Variants in SGTB observed in about 807,000 individuals in gnomAD.
The protein encoded by SGTB is small glutamine rich tetratricopeptide repeat co-chaperone beta.
SGTB carries 19 observed loss-of-function variants against 43.9 expected under a neutral mutation model. That is an observed-to-expected ratio of 0.43 (90% CI 0.30 to 0.63). The LOEUF is 0.63. Among genes scored for constraint, SGTB ranks in the 30% least tolerant of loss-of-function variants. The probability of loss-of-function intolerance (pLI) is 0.12; values close to 1 mark genes in which losing one functional copy is unlikely to be tolerated. For missense variants in SGTB, 304 were observed against 358.9 expected, an observed-to-expected ratio of 0.85 and a Z score of 1.24; for synonymous variants, 116 against 117.3, an observed-to-expected ratio of 0.99 and a Z score of 0.07.
intron 5 of SGTB, 96 bp downstream of exon 5, chr5:65,704,183 C>A: frequency 1.1e-6 from 1 of 942,716 alleles, no homozygotes. Flanking sequence ...TCTGAACTTT[C>A]AAAATTTTCT....
intron 5 of SGTB, among the ~76,000 whole-genome samples, chr5:65,694,764 C>T (rs769257913): frequency 1.2e-4 from 18 of 152,068 alleles, no homozygotes; most frequent in Non-Finnish European, 2.5e-4. Context: ...TGAAGGATGA[C>T]TAGTAGTTGA....
intron 3 of SGTB, among the ~76,000 whole-genome samples, chr5:65,709,375 T>C (rs891827703): frequency 6.0e-5 from 9 of 151,092 alleles, no homozygotes; most frequent in Non-Finnish European, 1.3e-4. Flanking sequence ...TCTTTGCATA[T>C]TGTCCAGTTT....
At chr5:65,677,296 G>A (rs1169416347) in intron 8 of SGTB, among the ~76,000 whole-genome samples, 2 of 137,668 alleles carry the variant, frequency 1.5e-5, no homozygotes, top group Non-Finnish European at 3.1e-5. Context: ...TTGAATCCCT[G>A]AATAAACCAA....
intron 2 of SGTB, among the ~76,000 whole-genome samples, chr5:65,714,031 G>A (rs1403228943): frequency 6.6e-6 from 1 of 151,974 alleles, no homozygotes; most frequent in Non-Finnish European, 1.5e-5. Context: ...TCCAGTACGG[G>A]TTGAGACCCC....
intron 1 of SGTB, among the ~76,000 whole-genome samples, chr5:65,721,057 G>A (rs1758264181): frequency 6.6e-6 from 1 of 152,162 alleles, no homozygotes; most frequent in African/African-American, 2.4e-5. Flanking sequence ...ATACGAGTAT[G>A]TTAAATCTTG....
At chr5:65,672,515 G>A (rs1231331625) in intron 8 of SGTB, among the ~76,000 whole-genome samples, 1 of 152,150 alleles carries the variant, frequency 6.6e-6, no homozygotes, top group Non-Finnish European at 1.5e-5. Context: ...ATAAACTGAG[G>A]ATGTTGACAG....
chr5:65,701,630 A>ATTTTT (rs35304663), intron 5 of SGTB, among the ~76,000 whole-genome samples: 2 of 126,490 alleles, frequency 1.6e-5, no homozygotes, highest in Non-Finnish European at 1.7e-5. Flanking sequence ...TTTAAATTAA[A>ATTTTT]TTTTTTTTTT....
At chr5:65,685,962 C>A (rs995473610) in intron 5 of SGTB, among the ~76,000 whole-genome samples, 10 of 152,176 alleles carry the variant, frequency 6.6e-5, no homozygotes, top group Admixed American at 6.5e-5. Context: ...TATTTTATTT[C>A]TTTCAGGCTC....
At chr5:65,707,460 G>C (rs1757956613) in intron 4 of SGTB, among the ~76,000 whole-genome samples, 1 of 147,748 alleles carries the variant, frequency 6.8e-6, no homozygotes. Context: ...TTTTGAGATG[G>C]AGTCTCCCTC....
chr5:65,680,925 C>CT, intron 6 of SGTB, 131 bp from the exon 7 acceptor site: 1 of 1,037,356 alleles, frequency 9.6e-7, no homozygotes. Context: ...ATTCACTGTA[C>CT]TATGGCTCAC....
rs141803717 is a variant in SGTB, at chr5:65,691,452, G to A, written c.375-5980C>T. Reference sequence around the variant, plus strand: ...TTATTATTTTTTTTGAGACAGTCTTGCTCTGTCTCCCAGGCTGGAGTGCAG... The same window carrying A: ...TTATTATTTTTTTTGAGACAGTCTTACTCTGTCTCCCAGGCTGGAGTGCAG... On this transcript the variant is annotated intron_variant, in intron 5 of 10. Coordinates refer to ENST00000381007, the MANE Select transcript of SGTB (RefSeq NM_019072.3). 7.3e-3 allele frequency among the ~76,000 whole-genome samples: 1,102 copies of A among 151,886 alleles called. 8 individuals are homozygous for A. Among genetic ancestry groups the A allele is most frequent in the Non-Finnish European group, 0.01 (711 of 67,916 alleles).
At chr5:65,685,508 T>C (rs748606968) in intron 5 of SGTB, 36 bp from the exon 6 acceptor site, 11 of 1,583,720 alleles carry the variant, frequency 6.9e-6, no homozygotes, top group African/African-American at 1.3e-5. Context: ...TTAAAGGCAG[T>C]TTTCAAGGCA....
At chr5:65,705,689 G>C (rs1466731857) in intron 4 of SGTB, among the ~76,000 whole-genome samples, 2 of 152,036 alleles carry the variant, frequency 1.3e-5, no homozygotes, top group Non-Finnish European at 2.9e-5. Context: ...TGAATATAAA[G>C]GGTGACTGCT....
At chr5:65,679,943 GA>G (rs2150705918) in intron 8 of SGTB, among the ~76,000 whole-genome samples, 1 of 152,316 alleles carries the variant, frequency 6.6e-6, no homozygotes, top group East Asian at 1.9e-4. Context: ...ACTGGATAAA[GA>G]AAATGCGGTA....
rs143130547 is a variant in SGTB, at chr5:65,715,735, C to T, written c.101-2671G>A. On this transcript the variant is annotated intron_variant, in intron 2 of 10. Transcript: ENST00000381007. ...GGGTAAGGAGGATGGAGAGTGTGGG[C>T]AGCTGAGCAGAAAAGCAGCTGCAGG... Among the ~76,000 whole-genome samples, 53 of 152,264 alleles carry T rather than the reference C, an allele frequency of 3.5e-4. No individual in the cohort carries two copies. The Middle Eastern group carries it at 0.01, about 29-fold the overall frequency.
rs1187545032 is a variant in SGTB, at chr5:65,667,945, CTCTT to C, written c.*2297_*2300del. ...GATACAAAATAATTAGTCTCTTAGT[CTCTT>C]TTTCTTTTTTTTTTTTTTTTTGAAA... On this transcript the variant is annotated 3_prime_UTR_variant, in exon 11 of 11. Transcript: ENST00000381007. 1 of 142,674 alleles carries C rather than the reference CTCTT, an allele frequency of 7.0e-6. No individual in the cohort carries two copies. The highest frequency in any genetic ancestry group is 1.6e-5 in the Non-Finnish European group (1 of 64,114). 8.8% of individuals were successfully genotyped at this position (142,674 alleles called of 1,614,324 possible). A position where few individuals can be genotyped will look rare whatever the true frequency, so the allele number is the denominator to read the frequency against.
rs1757070750 is a variant in SGTB at position 65,667,892 on chromosome 5, AAG to A, written c.*2352_*2353del. 1 of 152,192 alleles carries A rather than the reference AAG, an allele frequency of 6.6e-6. No individual in the cohort carries two copies. The highest frequency in any genetic ancestry group is 1.5e-5 in the Non-Finnish European group (1 of 68,040). The allele number at this position is 152,192 out of a possible 1,614,324, so 9.4% of individuals were successfully genotyped here. ...TACTGTTCTAATGTCACAAAGGAGA[AAG>A]AGAAAAGTTGGATTTTAAACTTCAA... On this transcript the variant is annotated 3_prime_UTR_variant, in exon 11 of 11. Transcript: ENST00000381007.
chr5:65,720,915 A>G, intron 1 of SGTB, 86 bp from the exon 2 acceptor site: 1 of 1,374,646 alleles, frequency 7.3e-7, no homozygotes, highest in Non-Finnish European at 9.7e-7. Context: ...GATATGGGTT[A>G]TAAAGTGTAT....
Position 65,667,661 on chromosome 5 carries a change from G to GTGTT in SGTB, c.*2581_*2584dup, listed in dbSNP as rs1757066679. 2.6e-5 allele frequency: 4 copies of GTGTT among 152,048 alleles called. No individual in the cohort carries two copies. Among genetic ancestry groups the GTGTT allele is most frequent in the African/African-American group, 9.7e-5 (4 of 41,394 alleles). 9.4% of individuals were successfully genotyped at this position (152,048 alleles called of 1,614,324 possible). ...AGCTTTGTTTGGCCCAGGTGCTTAG[G>GTGTT]TGTTTGCAGGTCTGAGAAACCTCTA... On this transcript the variant is annotated 3_prime_UTR_variant, in exon 11 of 11. Transcript: ENST00000381007.
Sources: allele counts gnomAD v4.1 joint callset (sites outside exome capture counted in the v4.1 genomes callset), GRCh38; gene constraint gnomAD v4.1.1; transcripts MANE v1.5; gene names NCBI Gene and HGNC (gene_info 2026-07-23, HGNC 2026-07-21).